MCMDC2: variants seen among roughly 807,000 people sequenced by gnomAD.
MCMDC2 encodes the protein minichromosome maintenance domain containing 2, also known as minichromosome maintenance domain-containing protein 2.
In MCMDC2, 54 loss-of-function variants were observed where a neutral mutation model predicts 75.8. The ratio of observed to expected loss-of-function variants is 0.71; its 90% CI spans 0.57 to 0.89. The LOEUF (loss-of-function observed/expected upper bound fraction) is 0.89. Among genes scored for constraint, MCMDC2 ranks in the 40% least tolerant of loss-of-function variants. The pLI is 0.00. For synonymous variants in MCMDC2, 249 were observed against 274.6 expected, an observed-to-expected ratio of 0.91 and a Z score of 0.92; for missense variants, 656 against 780.4, an observed-to-expected ratio of 0.84 and a Z score of 1.90.
rs938977019 is a variant in MCMDC2 at position 66,877,436 on chromosome 8, C to A, written c.373C>A (p.Gln125Lys). ...TGAGTTTCCACTTGATTATACATCT[C>A]AGAGATTTTATATGATGCAAGGAAT... The part of the protein sequence containing the change: ...LCEFPLDYTS[Q>K]RFYMMQGIVI... Residue 125 changes from glutamine (Q) to lysine (K), a missense_variant, in exon 5 of 15, where the codon CAG (glutamine) becomes AAG (lysine). Physicochemically the swap from Gln to Lys is moderately conservative, Grantham distance 53. Coordinates refer to ENST00000422365, the MANE Select transcript of MCMDC2 (RefSeq NM_173518.5). 3 of 1,612,854 alleles carry A rather than the reference C, an allele frequency of 1.9e-6. No homozygotes were observed. The highest frequency in any genetic ancestry group is 2.5e-6 in the Non-Finnish European group (3 of 1,179,480).
rs1396545189 is a variant in MCMDC2, at chr8:66,920,601, T to C, written c.*1432T>C. The C allele has an allele frequency of 6.6e-6, 1 of 152,206 alleles. No homozygotes were observed. Among genetic ancestry groups the C allele is most frequent in the African/African-American group, 2.4e-5 (1 of 41,448 alleles). 9.4% of individuals were successfully genotyped at this position (152,206 alleles called of 1,614,324 possible). A position where few individuals can be genotyped will look rare whatever the true frequency, so the allele number is the denominator to read the frequency against. On this transcript the variant is annotated 3_prime_UTR_variant, in exon 15 of 15. Transcript: ENST00000422365. ...TATTTTGTGCTTCTCAAATACTACA[T>C]TTCAAACATGTCTGGCTCTCTATGG...
intron 8 of MCMDC2, among the ~76,000 whole-genome samples, chr8:66,882,897 C>T (rs1306905286): frequency 2.6e-5 from 4 of 152,186 alleles, no homozygotes; most frequent in African/African-American, 9.7e-5. Flanking sequence ...GGTAGCAGAA[C>T]ATGACTTTTC....
intron 8 of MCMDC2, among the ~76,000 whole-genome samples, chr8:66,881,470 C>T (rs1221546771): frequency 6.6e-6 from 1 of 152,050 alleles, no homozygotes; most frequent in Non-Finnish European, 1.5e-5. Context: ...AGGCAGATCA[C>T]GAGGTCAGGA....
intron 10 of MCMDC2, among the ~76,000 whole-genome samples, chr8:66,892,352 C>G (rs936158356): frequency 1.3e-5 from 2 of 152,256 alleles, no homozygotes; most frequent in African/African-American, 4.8e-5. Flanking sequence ...GCTCAGCAAG[C>G]CTGCCAGGAG....
At chr8:66,901,175 T>C in intron 12 of MCMDC2, 31 bp from the exon 13 acceptor site, 1 of 1,520,502 alleles carries the variant, frequency 6.6e-7, no homozygotes, top group South Asian at 1.1e-5. Flanking sequence ...ATAATAAAGC[T>C]TGATTATCTT....
chr8:66,898,024 A>G (rs1812441222), intron 12 of MCMDC2, among the ~76,000 whole-genome samples: 1 of 152,154 alleles, frequency 6.6e-6, no homozygotes, highest in Non-Finnish European at 1.5e-5. Context: ...AAAATGAATT[A>G]TGAATATTGT....
At chr8:66,899,084 A>C (rs567893796) in intron 12 of MCMDC2, among the ~76,000 whole-genome samples, 3 of 152,276 alleles carry the variant, frequency 2.0e-5, no homozygotes, top group Non-Finnish European at 4.4e-5. Flanking sequence ...AAATCTGTCT[A>C]TTACACAAAT....
rs747665313 is a variant in MCMDC2 at position 66,883,902 on chromosome 8, G to A, written c.981G>A (p.Leu327=). 3.1e-6 allele frequency: 5 copies of A among 1,613,874 alleles called. No individual in the cohort carries two copies. In the African/African-American group the frequency reaches 6.7e-5, roughly 22 times the overall value. Residue 327 remains leucine, a synonymous_variant, in exon 9 of 15, where the codon TTG becomes TTA. Transcript: ENST00000422365. ...GTYNLLKLCL[L]MSLVQTTDRN... ...ACAATTTGCTCAAGCTCTGTTTGTTGATGAGTCTAGTACAGACAACTGACC... is the reference window on the plus strand; with the variant it reads ...ACAATTTGCTCAAGCTCTGTTTGTTAATGAGTCTAGTACAGACAACTGACC...
intron 9 of MCMDC2, chr8:66,884,431 C>T (rs16933095): frequency 1.1e-3 from 177 of 166,370 alleles, no homozygotes; most frequent in African/African-American, 3.9e-3. Flanking sequence ...ATCATCCTAA[C>T]TTTGGAGTAA....
intron 14 of MCMDC2, 37 bp downstream of exon 14, chr8:66,905,372 C>A: frequency 7.2e-7 from 1 of 1,379,820 alleles, no homozygotes; most frequent in Non-Finnish European, 9.5e-7. Flanking sequence ...CTACAAATAA[C>A]TTTTATTTAA....
At chr8:66,899,860 G>A (rs540375268) in intron 12 of MCMDC2, among the ~76,000 whole-genome samples, 45 of 150,104 alleles carry the variant, frequency 3.0e-4, no homozygotes, top group Non-Finnish European at 6.2e-4. Context: ...AGTGGCTCAC[G>A]CCTGTAATCC....
intron 14 of MCMDC2, among the ~76,000 whole-genome samples, chr8:66,915,323 G>A (rs958197926): frequency 4.0e-5 from 6 of 151,726 alleles, no homozygotes; most frequent in Non-Finnish European, 8.8e-5. Context: ...GTAGTGGCGC[G>A]CGTCTGTAAT....
intron 14 of MCMDC2, among the ~76,000 whole-genome samples, chr8:66,913,962 TAAAAAAAAAA>T (rs961586876): frequency 2.5e-5 from 2 of 78,600 alleles, no homozygotes; most frequent in Non-Finnish European, 2.4e-5. Flanking sequence ...AGACTCTGTC[TAAAAAAAAAA>T]AAAAAAAAAA....
At chr8:66,924,495 C>T (rs2130885197), downstream of MCMDC2, among the ~76,000 whole-genome samples, 1 of 151,856 alleles carries the variant, frequency 6.6e-6, no homozygotes, top group South Asian at 2.1e-4. Context: ...ATTAGCCGGG[C>T]GTGGTGGCAG....
chr8:66,925,507 G>C (rs549633978), downstream of MCMDC2: 3 of 152,874 alleles, frequency 2.0e-5, no homozygotes, highest in South Asian at 6.1e-4. Context: ...ACGGCTCTTC[G>C]CGCTTCTTCC....
intron 14 of MCMDC2, among the ~76,000 whole-genome samples, chr8:66,910,249 C>T (rs1011587739): frequency 1.3e-5 from 2 of 152,228 alleles, no homozygotes; most frequent in Non-Finnish European, 2.9e-5. Context: ...CTCCCACACA[C>T]ATAGTCCCCA....
chr8:66,883,187 A>G (rs1230600958), intron 8 of MCMDC2, among the ~76,000 whole-genome samples: 1 of 152,218 alleles, frequency 6.6e-6, no homozygotes, highest in African/African-American at 2.4e-5. Context: ...ATTTTACAGT[A>G]TACTACAGTA....
At chr8:66,918,599 T>C (rs1186533441) in intron 14 of MCMDC2, among the ~76,000 whole-genome samples, 4 of 152,336 alleles carry the variant, frequency 2.6e-5, no homozygotes, top group Non-Finnish European at 5.9e-5. Flanking sequence ...TTAGTATTTC[T>C]TACCTTCCAG....
intron 14 of MCMDC2, among the ~76,000 whole-genome samples, chr8:66,906,784 A>T (rs138454706): frequency 0.03 from 4,418 of 149,406 alleles, 102 homozygotes; most frequent in Admixed American, 0.058. Flanking sequence ...TATTATTATT[A>T]TTTTTTTTTG....
Sources: allele counts gnomAD v4.1 joint callset (sites outside exome capture counted in the v4.1 genomes callset), GRCh38; gene constraint gnomAD v4.1.1; transcripts MANE v1.5; gene names NCBI Gene and HGNC (gene_info 2026-07-23, HGNC 2026-07-21).